The following IPO9 variants were observed in gnomAD, a reference collection of about 807,000 sequenced individuals.
IPO9 encodes importin-9.
IPO9 carries 28 observed loss-of-function variants against 128.6 expected under a neutral mutation model. The ratio of observed to expected loss-of-function variants is 0.22; its 90% CI spans 0.16 to 0.30. The LOEUF (loss-of-function observed/expected upper bound fraction) is 0.30, where lower values mean the gene tolerates loss of function less well. IPO9 is among the 10% of genes least tolerant of loss of function. The probability of loss-of-function intolerance (pLI) is 1.00; values close to 1 mark genes in which losing one functional copy is unlikely to be tolerated. For synonymous variants in IPO9, 455 were observed against 475.8 expected (o/e 0.96, Z 0.57); for missense variants, 935 against 1,293.9 (o/e 0.72, Z 4.26).
chr1:201,834,159 A>AT lies in IPO9; in HGVS notation c.163+4795dup, dbSNP rs869095355. On this transcript the variant is annotated intron_variant, in intron 1 of 23. Coordinates refer to ENST00000361565, the MANE Select transcript of IPO9 (RefSeq NM_018085.5). ...CTTCTACCTAAATAGGGTAAAAAAA[A>AT]TTTTTTTTAAGTTTTTTTATTCGTT... Among the ~76,000 whole-genome samples, 65 of 149,310 alleles carry AT rather than the reference A, an allele frequency of 4.4e-4. 1 individual carries two copies. The highest frequency in any genetic ancestry group is 1.4e-3 in the African/African-American group (58 of 40,486).
In IPO9 at chr1:201,877,500, C is replaced by A. The variant is rs1030400349; in HGVS notation, c.*1446C>A. 6 of 29,532 alleles carry A rather than the reference C, an allele frequency of 2.0e-4. No homozygotes were observed. The highest frequency in any genetic ancestry group is 3.9e-4 in the African/African-American group (6 of 15,424). The allele number at this position is 29,532 out of a possible 1,614,324, so 1.8% of individuals were successfully genotyped here. A position where few individuals can be genotyped will look rare whatever the true frequency, so the allele number is the denominator to read the frequency against. On this transcript the variant is annotated 3_prime_UTR_variant, in exon 24 of 24. Transcript: ENST00000361565. The stretch of plus-strand genomic sequence containing the variant: ...GGCAAGACTCAATCACACACACACA[C>A]ACACACACACACAAATCATGGGGAG...
At chr1:201,846,892 C>T (rs921636200) in intron 1 of IPO9, among the ~76,000 whole-genome samples, 1 of 152,174 alleles carries the variant, frequency 6.6e-6, no homozygotes, top group African/African-American at 2.4e-5. Flanking sequence ...TGATCTCAAA[C>T]TCCTGACCTC....
At chr1:201,843,957 A>T (rs2102872391) in intron 1 of IPO9, among the ~76,000 whole-genome samples, 1 of 152,226 alleles carries the variant, frequency 6.6e-6, no homozygotes, top group South Asian at 2.1e-4. Flanking sequence ...TAATAAATAA[A>T]GGAGAAGGGA....
At chr1:201,843,889 C>T (rs940264660) in intron 1 of IPO9, among the ~76,000 whole-genome samples, 1 of 149,902 alleles carries the variant, frequency 6.7e-6, no homozygotes, top group African/African-American at 2.5e-5. Flanking sequence ...ATAAGGCTTA[C>T]AGGAGCTGAG....
intron 19 of IPO9, among the ~76,000 whole-genome samples, chr1:201,872,063 T>C (rs943889962): frequency 6.6e-6 from 1 of 152,070 alleles, no homozygotes. Context: ...GGTGAAACAC[T>C]GTCTCTACTA....
chr1:201,872,251 G>A (rs1448845123), intron 19 of IPO9, among the ~76,000 whole-genome samples: 1 of 151,868 alleles, frequency 6.6e-6, no homozygotes, highest in African/African-American at 2.4e-5. Context: ...TTCTAACCCT[G>A]GCTTCCTAAC....
chr1:201,841,243 A>G (rs1680030434), intron 1 of IPO9, among the ~76,000 whole-genome samples: 1 of 152,248 alleles, frequency 6.6e-6, no homozygotes, highest in African/African-American at 2.4e-5. Context: ...CATGTAGGTT[A>G]CAGTTAAAAA....
chr1:201,864,941 T>C (rs998423497), intron 14 of IPO9, among the ~76,000 whole-genome samples: 1 of 152,228 alleles, frequency 6.6e-6, no homozygotes, highest in Non-Finnish European at 1.5e-5. Flanking sequence ...GTAACAGATA[T>C]CTCTGTAGGA....
chr1:201,870,487 GCATAGGCCT>G lies in IPO9; in HGVS notation c.2134-94_2134-86del. 1 of 1,371,976 alleles carries G rather than the reference GCATAGGCCT, an allele frequency of 7.3e-7. No homozygotes were observed. Among genetic ancestry groups the G allele is most frequent in the Non-Finnish European group, 9.9e-7 (1 of 1,012,522 alleles). 85.0% of individuals were successfully genotyped at this position (1,371,976 alleles called of 1,614,324 possible). On this transcript the variant is annotated intron_variant, in intron 17 of 23. Coordinates refer to ENST00000361565, the MANE Select transcript of IPO9 (RefSeq NM_018085.5). This position sits in a 1 kb window ranked among gnomAD's most constrained non-coding sequence, Gnocchi z 4.9. The stretch of plus-strand genomic sequence containing the variant: ...ATTATAGACTCACCGCTTTTATGAG[GCATAGGCCT>G]CTGGGAACATTTGTTTATACAGACT...
intron 4 of IPO9, chr1:201,850,458 A>G (rs188251625): frequency 6.6e-6 from 1 of 152,292 alleles, no homozygotes; most frequent in East Asian, 1.9e-4. Context: ...ATGAGAACCA[A>G]CTAAGGCTCA....
chr1:201,837,960 C>T (rs1365720757), intron 1 of IPO9, among the ~76,000 whole-genome samples: 1 of 152,018 alleles, frequency 6.6e-6, no homozygotes, highest in East Asian at 1.9e-4. Context: ...ATCCCAGCCA[C>T]TCGGGAGGCT....
At chr1:201,837,666 CTTGT>C (rs1301550226) in intron 1 of IPO9, among the ~76,000 whole-genome samples, 4 of 152,190 alleles carry the variant, frequency 2.6e-5, no homozygotes, top group African/African-American at 4.8e-5. Context: ...TCATTTTGAT[CTTGT>C]TTTAGTTTGT....
Position 201,854,668 on chromosome 1 carries a change from C to A in IPO9, c.764C>A (p.Pro255Gln), listed in dbSNP as rs746403336. The A allele has an allele frequency of 4.3e-6, 7 of 1,614,014 alleles. No individual in the cohort carries two copies. In the African/African-American group the frequency reaches 8.0e-5, roughly 18 times the overall value. ...GCCTTTGTTCAGGCCCTCCAGATACCAGATGGCCCCACATCTGACAGTGGG... is the reference window on the plus strand; with the variant it reads ...GCCTTTGTTCAGGCCCTCCAGATACAAGATGGCCCCACATCTGACAGTGGG... ...TEAFVQALQI[P>Q]DGPTSDSGFK... The change falls in exon 7 of 24, where the codon CCA becomes CAA. Residue 255 changes from proline (P) to glutamine (Q), a missense_variant. Around this residue, in one of 3 missense-constraint regions of IPO9, gnomAD observed 741 missense variants for 1,019.1 expected, o/e 0.73. Coordinates refer to ENST00000361565, the MANE Select transcript of IPO9 (RefSeq NM_018085.5).
At chr1:201,842,048 T>C (rs1005289476) in intron 1 of IPO9, among the ~76,000 whole-genome samples, 2 of 152,120 alleles carry the variant, frequency 1.3e-5, no homozygotes, top group Non-Finnish European at 1.5e-5. Flanking sequence ...CCTGTCTACC[T>C]GGAGATAGCA....
chr1:201,848,707 T>G, intron 4 of IPO9, 113 bp downstream of exon 4: 1 of 991,410 alleles, frequency 1.0e-6, no homozygotes, highest in Non-Finnish European at 1.5e-6. Context: ...GCTGATGTTA[T>G]TCCTCCCTCC....
chr1:201,872,325 A>G (rs913870253), intron 19 of IPO9, among the ~76,000 whole-genome samples: 2 of 152,094 alleles, frequency 1.3e-5, no homozygotes, highest in Non-Finnish European at 2.9e-5. Flanking sequence ...AATATGGTGC[A>G]ACCTTAGCTT....
chr1:201,865,890 G>T (rs927813693), intron 14 of IPO9, among the ~76,000 whole-genome samples: 1 of 152,056 alleles, frequency 6.6e-6, no homozygotes, highest in African/African-American at 2.4e-5. Flanking sequence ...TCAGGAGTTC[G>T]CTCCATTTCC....
intron 10 of IPO9, 108 bp from the exon 11 acceptor site, chr1:201,856,988 A>G: frequency 1.3e-6 from 1 of 790,606 alleles, no homozygotes; most frequent in Non-Finnish European, 2.2e-6. Context: ...CATCCAGCAA[A>G]AGGCTAGAGT....
Position 201,857,078 on chromosome 1 carries a change from A to G in IPO9, c.1123-18A>G. ...ATCAGATTGGCAGCATCACAAAGAC[A>G]TAACTTGATCTTTTCAGATTAAAGT... On this transcript the variant is annotated intron_variant, in intron 10 of 23. Coordinates refer to ENST00000361565, the MANE Select transcript of IPO9 (RefSeq NM_018085.5). 1 of 1,459,044 alleles carries G rather than the reference A, an allele frequency of 6.9e-7. No homozygotes were observed. The highest frequency in any genetic ancestry group is 1.1e-5 in the South Asian group (1 of 87,856). 90.4% of individuals were successfully genotyped at this position (1,459,044 alleles called of 1,614,324 possible).
Sources: allele counts gnomAD v4.1 joint callset (sites outside exome capture counted in the v4.1 genomes callset), GRCh38; gene constraint gnomAD v4.1.1; regional missense constraint gnomAD v4.1.1; non-coding constraint Gnocchi (gnomAD v3.1); transcripts MANE v1.5; gene names NCBI Gene and HGNC (gene_info 2026-07-23, HGNC 2026-07-21).